KIAA1217: variants seen among roughly 807,000 people sequenced by gnomAD.
The protein encoded by KIAA1217 is sickle tail protein homolog.
KIAA1217 carries 88 observed loss-of-function variants against 163.9 expected under a neutral mutation model. That is an observed-to-expected ratio of 0.54 (90% CI 0.45 to 0.64). The LOEUF is 0.64. KIAA1217 is among the 30% of genes least tolerant of loss of function. The pLI, the probability that KIAA1217 is intolerant of heterozygous loss-of-function variation, is 0.00. For missense variants in KIAA1217, 2,372 were observed against 2,475.0 expected (o/e 0.96, Z 0.88); for synonymous variants, 903 against 923.1 (o/e 0.98, Z 0.39).
chr10:24,364,954 A>T (rs220335), intron 2 of KIAA1217, among the ~76,000 whole-genome samples: 1 of 151,566 alleles, frequency 6.6e-6, no homozygotes, highest in Admixed American at 6.6e-5. Context: ...ACTTGTCACC[A>T]CACCAAGCTA....
rs79932980 is a variant in KIAA1217, at chr10:23,765,697, C to A, written c.-321+70463C>A. Among the ~76,000 whole-genome samples, 258 of 152,256 alleles carry A rather than the reference C, an allele frequency of 1.7e-3. 13 individuals are homozygous for A. In the East Asian group the frequency reaches 0.028, roughly 17 times the overall value. On this transcript the variant is annotated intron_variant, in intron 1 of 18. Transcript: ENST00000376462. ...GATGGCTTAAAAGTGTTTGGCAGAT[C>A]CCCCGATCAGCGCTCTCCTGCTGTC...
At chr10:24,017,020 G>A (rs1022747889) in intron 2 of KIAA1217, among the ~76,000 whole-genome samples, 8 of 144,464 alleles carry the variant, frequency 5.5e-5, no homozygotes, top group South Asian at 2.2e-4. Flanking sequence ...ATTTTGTTTC[G>A]TTGGTTAGTT....
At chr10:24,397,333 C>T (rs1168472514) in intron 3 of KIAA1217, among the ~76,000 whole-genome samples, 4 of 152,106 alleles carry the variant, frequency 2.6e-5, no homozygotes, top group Non-Finnish European at 4.4e-5. Flanking sequence ...CGCGATCCAC[C>T]CGGCTTGGCC....
At chr10:23,767,838 C>T (rs754550997) in intron 1 of KIAA1217, among the ~76,000 whole-genome samples, 1 of 152,166 alleles carries the variant, frequency 6.6e-6, no homozygotes, top group Non-Finnish European at 1.5e-5. Context: ...ATCAAGTAAG[C>T]ATCCTATACC....
chr10:24,527,441 T>C (rs1005625393), intron 13 of KIAA1217, among the ~76,000 whole-genome samples: 1 of 149,574 alleles, frequency 6.7e-6, no homozygotes, highest in Admixed American at 6.6e-5. Flanking sequence ...GCAGAAGGAT[T>C]CCTTGAGGCA....
At chr10:23,912,347 CTT>C (rs34881154) in intron 1 of KIAA1217, among the ~76,000 whole-genome samples, 4 of 148,668 alleles carry the variant, frequency 2.7e-5, no homozygotes, top group Admixed American at 6.7e-5. Context: ...TTTTTTAGAA[CTT>C]TTTTTTTTTG....
At chr10:24,508,686 C>A (rs2068692404) in intron 9 of KIAA1217, among the ~76,000 whole-genome samples, 1 of 152,226 alleles carries the variant, frequency 6.6e-6, no homozygotes, top group South Asian at 2.1e-4. Flanking sequence ...TTGTTATATC[C>A]ATTTGTACAA....
At chr10:24,194,762 A>ATTTTTTTTTTTTT (rs762968095) in intron 2 of KIAA1217, among the ~76,000 whole-genome samples, 1 of 97,994 alleles carries the variant, frequency 1.0e-5, no homozygotes, top group Non-Finnish European at 1.9e-5. Context: ...AGCCAATTAA[A>ATTTTTTTTTTTTT]TTTTTTTTTT....
intron 1 of KIAA1217, among the ~76,000 whole-genome samples, chr10:23,991,761 G>A (rs1846229340): frequency 6.6e-6 from 1 of 152,066 alleles, no homozygotes. Context: ...TAGGGAAGGC[G>A]ATAACATGCA....
At chr10:23,848,671 C>T (rs1051078732) in intron 1 of KIAA1217, among the ~76,000 whole-genome samples, 5 of 151,964 alleles carry the variant, frequency 3.3e-5, no homozygotes, top group African/African-American at 1.2e-4. Flanking sequence ...TTTCTCAACA[C>T]CTCCCTTTCT....
intron 1 of KIAA1217, among the ~76,000 whole-genome samples, chr10:23,939,438 A>G (rs898548054): frequency 6.6e-6 from 1 of 152,200 alleles, no homozygotes; most frequent in South Asian, 2.1e-4. Flanking sequence ...ATTCAAAAGG[A>G]AACTGTATAG....
At chr10:23,812,364 T>C (rs1011809943) in intron 1 of KIAA1217, among the ~76,000 whole-genome samples, 2 of 152,240 alleles carry the variant, frequency 1.3e-5, no homozygotes, top group Non-Finnish European at 2.9e-5. Context: ...AGTTAATTCA[T>C]GTGAATGCCT....
chr10:24,202,002 C>A (rs573582256), intron 2 of KIAA1217, among the ~76,000 whole-genome samples: 4 of 152,162 alleles, frequency 2.6e-5, no homozygotes, highest in African/African-American at 7.2e-5. Flanking sequence ...GCAGGCTGCA[C>A]GCAGGCAGGC....
intron 2 of KIAA1217, among the ~76,000 whole-genome samples, chr10:24,041,278 A>C (rs1326199998): frequency 6.6e-6 from 1 of 152,208 alleles, no homozygotes; most frequent in African/African-American, 2.4e-5. Flanking sequence ...CTAAGAGGGA[A>C]AATGGTTATC....
chr10:23,901,247 A>T (rs1203903496), intron 1 of KIAA1217, among the ~76,000 whole-genome samples: 1 of 152,132 alleles, frequency 6.6e-6, no homozygotes, highest in Non-Finnish European at 1.5e-5. Flanking sequence ...TCTCCCTGTT[A>T]GTAAAGAAGG....
intron 1 of KIAA1217, among the ~76,000 whole-genome samples, chr10:23,769,299 A>T (rs1427649364): frequency 6.6e-6 from 1 of 152,086 alleles, no homozygotes; most frequent in South Asian, 2.1e-4. Context: ...TATCCATCTG[A>T]GTGGTGCCAG....
intron 2 of KIAA1217, among the ~76,000 whole-genome samples, chr10:24,376,911 G>A (rs2052580258): frequency 2.0e-5 from 3 of 152,272 alleles, no homozygotes; most frequent in Non-Finnish European, 4.4e-5. Context: ...AGTAGTGTGA[G>A]GTTACAGGGA....
chr10:23,758,932 C>G (rs1834091328), intron 1 of KIAA1217, among the ~76,000 whole-genome samples: 1 of 150,326 alleles, frequency 6.7e-6, no homozygotes, highest in Non-Finnish European at 1.5e-5. Flanking sequence ...GGTGATCCAC[C>G]TGGGGTGGGT....
chr10:24,244,650 C>T (rs562334938), intron 2 of KIAA1217, among the ~76,000 whole-genome samples: 19 of 151,100 alleles, frequency 1.3e-4, no homozygotes, highest in Admixed American at 3.3e-4. Flanking sequence ...TTGCAACCTC[C>T]GCCTCCCGGA....
Sources: allele counts gnomAD v4.1 joint callset (sites outside exome capture counted in the v4.1 genomes callset), GRCh38; gene constraint gnomAD v4.1.1; transcripts MANE v1.5; gene names NCBI Gene and HGNC (gene_info 2026-07-23, HGNC 2026-07-21).